TADA2A: variants seen among roughly 807,000 people sequenced by gnomAD.
TADA2A encodes transcriptional adapter 2-alpha.
A neutral mutation model predicts 67.4 loss-of-function variants in TADA2A; 38 were observed. The ratio of observed to expected loss-of-function variants is 0.56; its 90% confidence interval spans 0.44 to 0.74. TADA2A has a LOEUF of 0.74. Ranked by LOEUF, TADA2A falls within the 30% of genes least tolerant of loss-of-function variation. TADA2A has a pLI of 0.00. For synonymous variants in TADA2A, 192 were observed against 181.6 expected (o/e 1.06, Z -0.46); for missense variants, 454 against 547.0 (o/e 0.83, Z 1.70).
At chr17:37,470,770 C>T (rs2053769809) in intron 13 of TADA2A, among the ~76,000 whole-genome samples, 1 of 152,002 alleles carries the variant, frequency 6.6e-6, no homozygotes, top group African/African-American at 2.4e-5. Context: ...TGTATTTTCC[C>T]CCAGCCTTCT....
Position 37,413,087 on chromosome 17 carries a change from C to T in TADA2A, c.25+1697C>T, listed in dbSNP as rs576502599. The stretch of plus-strand genomic sequence containing the variant: ...GAGTATAGGCGTCTGCCACCACGCC[C>T]GGCTAATTTTTGTATTTTTAGTAGA... On this transcript the variant is annotated intron_variant, in intron 2 of 15. Transcript: ENST00000615182. Among the ~76,000 whole-genome samples, 21 of 152,030 alleles carry T rather than the reference C, an allele frequency of 1.4e-4. No homozygotes were observed. In the East Asian group the frequency reaches 3.5e-3, roughly 25 times the overall value.
rs61597380 is a variant in TADA2A, at chr17:37,419,682, G to A, written c.26-3827G>A. On this transcript the variant is annotated intron_variant, in intron 2 of 15. Coordinates refer to ENST00000615182, the MANE Select transcript of TADA2A (RefSeq NM_001166105.3). ...AATCCCAGCTACTTGGGAGGCTGAG[G>A]CATGAGAATTGCTTGAACGTGGGAG... Among the ~76,000 whole-genome samples, 967 of 144,586 alleles carry A rather than the reference G, an allele frequency of 6.7e-3. 119 individuals carry two copies. The East Asian group carries it at 0.11, about 16-fold the overall frequency. 94.9% of individuals were successfully genotyped at this position (144,586 alleles called of 152,430 possible).
intron 10 of TADA2A, 76 bp from the exon 11 acceptor site, chr17:37,465,355 T>TA (rs142934801): frequency 0.019 from 18,974 of 979,500 alleles, 19 homozygotes; most frequent in African/African-American, 0.037. Context: ...TTACTAATTG[T>TA]AAAAAAAAAA....
chr17:37,448,603 A>G (rs1322462714), intron 8 of TADA2A, among the ~76,000 whole-genome samples: 2 of 151,994 alleles, frequency 1.3e-5, no homozygotes, highest in Non-Finnish European at 2.9e-5. Context: ...ATCTCCTTTC[A>G]TTTGTAAAAA....
At chr17:37,449,081 C>G (rs1446828624) in intron 8 of TADA2A, among the ~76,000 whole-genome samples, 3 of 151,750 alleles carry the variant, frequency 2.0e-5, no homozygotes, top group African/African-American at 7.3e-5. Context: ...AGTGCAGTGG[C>G]GCGATCTTGG....
chr17:37,466,807 G>T (rs1335834313), intron 11 of TADA2A, among the ~76,000 whole-genome samples: 1 of 152,160 alleles, frequency 6.6e-6, no homozygotes, highest in Non-Finnish European at 1.5e-5. Flanking sequence ...AAATTAGAAT[G>T]ATTTGTAGAA....
At chr17:37,465,396 T>A in intron 10 of TADA2A, 35 bp from the exon 11 acceptor site, 1 of 1,521,008 alleles carries the variant, frequency 6.6e-7, no homozygotes, top group Non-Finnish European at 9.0e-7. Flanking sequence ...TCCTTACATT[T>A]CCCATGACAC....
At chr17:37,472,327 A>G (rs1597950062) in intron 14 of TADA2A, among the ~76,000 whole-genome samples, 1 of 151,562 alleles carries the variant, frequency 6.6e-6, no homozygotes, top group African/African-American at 2.4e-5. Context: ...CGGCCTCCCA[A>G]AGTGCTGGGA....
chr17:37,435,728 C>T (rs571553222), intron 4 of TADA2A, among the ~76,000 whole-genome samples: 16 of 152,214 alleles, frequency 1.1e-4, no homozygotes, highest in African/African-American at 2.4e-4. Context: ...CACAGGTGCG[C>T]GCCACCATGC....
intron 8 of TADA2A, among the ~76,000 whole-genome samples, chr17:37,456,726 G>A (rs1266031059): frequency 1.3e-5 from 2 of 152,148 alleles, no homozygotes; most frequent in South Asian, 2.1e-4. Flanking sequence ...AATAGATATC[G>A]AGTTTGAAAT....
chr17:37,475,461 C>T (rs890313085), intron 15 of TADA2A, among the ~76,000 whole-genome samples: 1 of 151,244 alleles, frequency 6.6e-6, no homozygotes, highest in Non-Finnish European at 1.5e-5. Flanking sequence ...CAGGCGTGAG[C>T]CACCTCACCC....
intron 1 of TADA2A, among the ~76,000 whole-genome samples, chr17:37,409,410 T>C (rs1330693034): frequency 6.6e-6 from 1 of 151,844 alleles, no homozygotes; most frequent in African/African-American, 2.4e-5. Flanking sequence ...AATTTAGAAG[T>C]GGGGGAAAAT....
intron 2 of TADA2A, among the ~76,000 whole-genome samples, chr17:37,418,547 A>G (rs965810918): frequency 6.6e-6 from 1 of 151,976 alleles, no homozygotes; most frequent in Non-Finnish European, 1.5e-5. Context: ...CATGTCCGCA[A>G]TTTGTTGTCA....
chr17:37,474,467 G>T, intron 14 of TADA2A, 89 bp from the exon 15 acceptor site: 1 of 1,249,008 alleles, frequency 8.0e-7, no homozygotes, highest in East Asian at 2.5e-5. Context: ...ATACCTAACT[G>T]GCCTGGCTGC....
chr17:37,463,749 A>T (rs1429809738), intron 10 of TADA2A, among the ~76,000 whole-genome samples: 1 of 151,048 alleles, frequency 6.6e-6, no homozygotes, highest in Non-Finnish European at 1.5e-5. Flanking sequence ...GGCTCAGGTG[A>T]TTCTCCCACC....
chr17:37,417,371 G>C (rs1019409974), intron 2 of TADA2A, among the ~76,000 whole-genome samples: 1 of 148,586 alleles, frequency 6.7e-6, no homozygotes, highest in Non-Finnish European at 1.5e-5. Context: ...GCAAGACTCC[G>C]TCTCAAAAAA....
Position 37,470,454 on chromosome 17 carries a change from G to T in TADA2A, c.950G>T (p.Arg317Leu), listed in dbSNP as rs1036733761. The T allele has an allele frequency of 1.2e-6, 2 of 1,613,108 alleles. No individual in the cohort carries two copies. The highest frequency in any genetic ancestry group is 1.7e-6 in the Non-Finnish European group (2 of 1,179,746). ...KKTREEERLK[R>L]TMLSEVLQYI... ...ACACGGGAGGAAGAGCGCCTTAAAC[G>T]CACTATGCTCTCAGAAGTTCTCCAG... Residue 317 changes from arginine to leucine, a missense_variant, in exon 13 of 16, where the codon CGC (arginine) becomes CTC (leucine). Arg to Leu is a moderately radical substitution (Grantham distance 102). Transcript: ENST00000615182.
In TADA2A at chr17:37,411,312, C is replaced by A. The variant is rs2051858859; in HGVS notation, c.-54C>A. ...TGTATGTGTTGGCCGGTTCTGAAGT[C>A]TTGAAGAAGCTCTGCTGAGGAAGAC... On this transcript the variant is annotated 5_prime_UTR_variant, in exon 2 of 16. Transcript: ENST00000615182. 1 of 1,601,440 alleles carries A rather than the reference C, an allele frequency of 6.2e-7. No individual in the cohort carries two copies. The highest frequency in any genetic ancestry group is 1.7e-5 in the Admixed American group (1 of 59,926).
At chr17:37,414,496 C>T (rs565925126) in intron 2 of TADA2A, among the ~76,000 whole-genome samples, 4 of 152,234 alleles carry the variant, frequency 2.6e-5, no homozygotes, top group Admixed American at 6.5e-5. Context: ...TATCAGAGAC[C>T]GAGATCTTTT....
Sources: allele counts gnomAD v4.1 joint callset (sites outside exome capture counted in the v4.1 genomes callset), GRCh38; gene constraint gnomAD v4.1.1; transcripts MANE v1.5; gene names NCBI Gene and HGNC (gene_info 2026-07-23, HGNC 2026-07-21).